Variants in DBNL observed in about 807,000 individuals in gnomAD.
The protein encoded by DBNL is drebrin like.
In DBNL, 35 loss-of-function variants were observed where a neutral mutation model predicts 62.2. The ratio of observed to expected loss-of-function variants is 0.56; its 90% CI spans 0.43 to 0.75. The LOEUF (loss-of-function observed/expected upper bound fraction) is 0.75, where lower values mean the gene tolerates loss of function less well. Ranked by LOEUF, DBNL falls within the 30% of genes least tolerant of loss-of-function variation. DBNL has a pLI of 0.00. For synonymous variants in DBNL, 197 were observed against 218.0 expected (o/e 0.90, Z 0.85); for missense variants, 495 against 578.4 (o/e 0.86, Z 1.48).
rs1485791234 is a variant in DBNL at position 44,057,875 on chromosome 7, G to A, written c.552+16G>A. The A allele has an allele frequency of 1.2e-6, 2 of 1,613,950 alleles. No homozygotes were observed. Among genetic ancestry groups the A allele is most frequent in the African/African-American group, 2.7e-5 (2 of 74,936 alleles). On this transcript the variant is annotated intron_variant, in intron 6 of 12. Transcript: ENST00000448521. Reference sequence around the variant, plus strand: ...CAAAGCAGAGGTGAGTGCTGCCCCGGGGCATGCTGGGCACGTGGGAGTGTT... The same window carrying A: ...CAAAGCAGAGGTGAGTGCTGCCCCGAGGCATGCTGGGCACGTGGGAGTGTT...
chr7:44,053,886 C>T lies in DBNL; in HGVS notation c.327+945C>T, dbSNP rs574906965. Among the ~76,000 whole-genome samples, 27 of 152,148 alleles carry T rather than the reference C, an allele frequency of 1.8e-4. 1 individual carries two copies. The highest frequency in any genetic ancestry group is 5.2e-4 in the Admixed American group (8 of 15,270). On this transcript the variant is annotated intron_variant, in intron 4 of 12. Coordinates refer to ENST00000448521, the MANE Select transcript of DBNL (RefSeq NM_001014436.3). ...AGAGACGGGGTTTCACTGTGTTAGCCAGGATGGTCTCGATCTCCTGACCTC... is the reference window on the plus strand; with the variant it reads ...AGAGACGGGGTTTCACTGTGTTAGCTAGGATGGTCTCGATCTCCTGACCTC...
In DBNL at chr7:44,064,793, G is replaced by GGCCAC; in HGVS notation, c.*3877_*3878insGCCAC. On this transcript the variant is annotated 3_prime_UTR_variant, in exon 13 of 13. Coordinates refer to ENST00000448521, the MANE Select transcript of DBNL (RefSeq NM_001014436.3). ...AGATGAGAAGCCAGCTGGGGCTGCT[G>GGCCAC]CCCACCCACCCTGCCCAGGCTCCTG... 1.8e-6 allele frequency: 2 copies of GGCCAC among 1,136,978 alleles called. No individual in the cohort carries two copies. Among genetic ancestry groups the GGCCAC allele is most frequent in the East Asian group, 2.5e-5 (1 of 40,038 alleles). The allele number at this position is 1,136,978 out of a possible 1,614,324, so 70.4% of individuals were successfully genotyped here.
At chr7:44,055,489 C>G (rs1422922448) in intron 4 of DBNL, among the ~76,000 whole-genome samples, 1 of 152,192 alleles carries the variant, frequency 6.6e-6, no homozygotes, top group African/African-American at 2.4e-5. Context: ...AAAAACCATA[C>G]TGTTTTTATA....
At position 44,058,497 on chromosome 7, in the gene DBNL, C is replaced by T; in HGVS notation, c.753+17C>T. On this transcript the variant is annotated intron_variant, in intron 8 of 12. Transcript: ENST00000448521. ...AATGAGCAGGTAAGATGGGGGTGCT[C>T]TACTTGTTTGGACCTGTCCTGGCCA... 6.2e-7 allele frequency: 1 copy of T among 1,613,786 alleles called. No homozygotes were observed. Among genetic ancestry groups the T allele is most frequent in the Non-Finnish European group, 8.5e-7 (1 of 1,179,892 alleles).
At chr7:44,052,552 G>A (rs6958706) in intron 3 of DBNL, among the ~76,000 whole-genome samples, 40,685 of 151,280 alleles carry the variant, frequency 0.27, 5,682 homozygotes, top group African/African-American at 0.33. Context: ...AGAAGTTGCA[G>A]TGAGCCAAGA....
chr7:44,060,880 CA>C lies in DBNL; in HGVS notation c.1258del (p.Met420CysfsTer73). The C allele has an allele frequency of 6.2e-7, 1 of 1,614,108 alleles. No homozygotes were observed. Among genetic ancestry groups the C allele is most frequent in the Non-Finnish European group, 8.5e-7 (1 of 1,179,998 alleles). Reference protein sequence around the residue: ...RGYGPDGHFGMFPANYVELIE With the variant: ...RGYGPDGHFGXFPANYVELIE ...GCTATGGGCCGGATGGCCATTTTGG[CA>C]TGTTCCCTGCCAACTACGTGGAGCT... On this transcript the variant is annotated frameshift_variant, in exon 13 of 13. Coordinates refer to ENST00000448521, the MANE Select transcript of DBNL (RefSeq NM_001014436.3). LOFTEE classifies it high-confidence loss of function. The surrounding 1 kb of genome is among the most constrained non-coding windows in gnomAD (Gnocchi z 6.3).
intron 8 of DBNL, 150 bp downstream of exon 8, chr7:44,058,630 A>C (rs1410640572): frequency 8.1e-6 from 9 of 1,112,432 alleles, no homozygotes; most frequent in Non-Finnish European, 1.2e-5. Flanking sequence ...AAGAGGTGGC[A>C]GTAGAGAGGA....
Position 44,059,428 on chromosome 7 carries a change from G to T in DBNL, c.910G>T (p.Ala304Ser). 6 of 1,614,100 alleles carry T rather than the reference G, an allele frequency of 3.7e-6. No homozygotes were observed. Among genetic ancestry groups the T allele is most frequent in the Non-Finnish European group, 5.1e-6 (6 of 1,180,000 alleles). ...CCACTTTGGCAGAGAGCCAGCTGCT[G>T]CCATCTCAAGGCCCAGGGCAGGCAA... ...ETHFGREPAA[A>S]ISRPRADLPA... The change falls in exon 10 of 13, where the codon GCC becomes TCC. Residue 304 changes from alanine (A) to serine (S), a missense_variant. Coordinates refer to ENST00000448521, the MANE Select transcript of DBNL (RefSeq NM_001014436.3). This position sits in a 1 kb window ranked among gnomAD's most constrained non-coding sequence, Gnocchi z 4.1.
Position 44,061,153 on chromosome 7 carries a change from G to A in DBNL, c.*237G>A. On this transcript the variant is annotated 3_prime_UTR_variant, in exon 13 of 13. Transcript: ENST00000448521. ...GACCCTCCCAGACAGCTTGGCTCTT[G>A]CCCCTGACAGGATACTGAGCCAAGC... The A allele has an allele frequency of 3.5e-6, 2 of 564,286 alleles. No homozygotes were observed. The highest frequency in any genetic ancestry group is 6.1e-6 in the Non-Finnish European group (2 of 328,832). 35.0% of individuals were successfully genotyped at this position (564,286 alleles called of 1,614,324 possible). A position where few individuals can be genotyped will look rare whatever the true frequency, so the allele number is the denominator to read the frequency against.
At position 44,064,395 on chromosome 7, in the gene DBNL, G is replaced by A; in HGVS notation, c.*3479G>A. The A allele has an allele frequency of 3.7e-6, 1 of 271,140 alleles. No homozygotes were observed. The highest frequency in any genetic ancestry group is 7.2e-6 in the Non-Finnish European group (1 of 138,274). 16.8% of individuals were successfully genotyped at this position (271,140 alleles called of 1,614,324 possible). A position where few individuals can be genotyped will look rare whatever the true frequency, so the allele number is the denominator to read the frequency against. On this transcript the variant is annotated 3_prime_UTR_variant, in exon 13 of 13. Transcript: ENST00000448521. ...CTGATGGGGGAGGGCCCTGCGAGGGGTCCAAGCCTACATCAAGAGGAATTC... is the reference window on the plus strand; with the variant it reads ...CTGATGGGGGAGGGCCCTGCGAGGGATCCAAGCCTACATCAAGAGGAATTC...
intron 4 of DBNL, 39 bp downstream of exon 4, chr7:44,052,980 TCA>T: frequency 6.3e-7 from 1 of 1,599,440 alleles, no homozygotes; most frequent in South Asian, 1.1e-5. Context: ...GGAACAGGCC[TCA>T]CAGGCTTGAG....
chr7:44,048,488 C>T (rs1465680082), intron 1 of DBNL, among the ~76,000 whole-genome samples: 1 of 152,234 alleles, frequency 6.6e-6, no homozygotes. Flanking sequence ...GTAAGGAGTG[C>T]CTTTTCCCGG....
At chr7:44,047,704 T>A (rs1214155795) in intron 1 of DBNL, among the ~76,000 whole-genome samples, 1 of 152,198 alleles carries the variant, frequency 6.6e-6, no homozygotes, top group Non-Finnish European at 1.5e-5. Context: ...ACACTCCATA[T>A]GCCTTGCTGT....
In DBNL at chr7:44,044,790, G is replaced by T; in HGVS notation, c.53G>T (p.Arg18Leu). 6.7e-7 allele frequency: 1 copy of T among 1,499,438 alleles called. No individual in the cohort carries two copies. 92.9% of individuals were successfully genotyped at this position (1,499,438 alleles called of 1,614,324 possible). Residue 18 changes from arginine to leucine, a missense_variant, in exon 1 of 13, where the codon CGG (arginine) becomes CTG (leucine). Physicochemically the swap from Arg to Leu is moderately radical, Grantham distance 102. Transcript: ENST00000448521. ...CCAGCGCTGCAAGAGGCCTACGTGC[G>T]GGTGGTCACCGAGAAGTCCCCGACC... ...NGPALQEAYVRVVTEKSPTDW... is the reference protein window; with the variant it reads ...NGPALQEAYVLVVTEKSPTDW...
In DBNL at chr7:44,052,865, A is replaced by G. The variant is rs111583867; in HGVS notation, c.253-2A>G. 2.5e-6 allele frequency: 4 copies of G among 1,613,882 alleles called. No individual in the cohort carries two copies. The highest frequency in any genetic ancestry group is 3.4e-6 in the Non-Finnish European group (4 of 1,179,986). On this transcript the variant is annotated splice_acceptor_variant, in intron 3 of 12. Transcript: ENST00000448521. LOFTEE classifies it high-confidence loss of function. ...GTCAACCTGGGCATCCTTGTGTTGC[A>G]GACAGGCGAGGGCGTGAACGATGTG... is the stretch of plus-strand genomic sequence containing the variant.
chr7:44,050,541 G>A (rs1242572061), intron 2 of DBNL: 2 of 377,590 alleles, frequency 5.3e-6, no homozygotes, highest in Admixed American at 4.0e-5. Flanking sequence ...TCCAGCTTGT[G>A]GGCAGCCTGC....
chr7:44,054,093 C>T lies in DBNL; in HGVS notation c.327+1152C>T, dbSNP rs371180142. 7.9e-4 allele frequency among the ~76,000 whole-genome samples: 120 copies of T among 152,236 alleles called. 2 individuals are homozygous for T. In the South Asian group the frequency reaches 0.023, roughly 30 times the overall value. On this transcript the variant is annotated intron_variant, in intron 4 of 12. Coordinates refer to ENST00000448521, the MANE Select transcript of DBNL (RefSeq NM_001014436.3). The stretch of plus-strand genomic sequence containing the variant: ...CAACCTGTATAGCAACAGTGAATGA[C>T]GTCATGGGTCTGGCTTCTTATGAAG...
chr7:44,060,697 T>C lies in DBNL; in HGVS notation c.1154-80T>C. 2.6e-6 allele frequency: 4 copies of C among 1,564,004 alleles called. No homozygotes were observed. The highest frequency in any genetic ancestry group is 3.5e-6 in the Non-Finnish European group (4 of 1,152,470). On this transcript the variant is annotated intron_variant, in intron 12 of 12. Transcript: ENST00000448521. The surrounding 1 kb of genome is among the most constrained non-coding windows in gnomAD (Gnocchi z 6.3). ...TGCAGCGAGGTGTGCTGCAGCAGTG[T>C]GGGGCTGCCGTGGGCTGCCCGAGCA...
Position 44,059,533 on chromosome 7 carries a change from C to T in DBNL, c.932-10C>T, listed in dbSNP as rs1217681831. The T allele has an allele frequency of 1.9e-6, 3 of 1,613,492 alleles. No homozygotes were observed. The East Asian group carries it at 6.7e-5, about 36-fold the overall frequency. The stretch of plus-strand genomic sequence containing the variant: ...GTGGGAGTGAGAACCTGCTGTGTTC[C>T]CTGGTGCAGATCTCCCTGCTGAGGA... On this transcript the variant is annotated splice_polypyrimidine_tract_variant and intron_variant, in intron 10 of 12. Transcript: ENST00000448521. This position sits in a 1 kb window ranked among gnomAD's most constrained non-coding sequence, Gnocchi z 4.1.
Sources: gnomAD v4.1 joint callset for allele counts (sites outside exome capture counted in the v4.1 genomes callset) on GRCh38, gnomAD v4.1.1 for gene constraint, Gnocchi (gnomAD v3.1) non-coding constraint, MANE v1.5 for transcripts, NCBI Gene and HGNC (gene_info 2026-07-23, HGNC 2026-07-21) for gene names.